ADAMTS17: variants seen among roughly 807,000 people sequenced by gnomAD.
ADAMTS17 encodes the protein ADAM metallopeptidase with thrombospondin type 1 motif 17, also known as A disintegrin and metalloproteinase with thrombospondin motifs 17.
A neutral mutation model predicts 141.5 loss-of-function variants in ADAMTS17; 113 were observed. The ratio of observed to expected loss-of-function variants is 0.80; its 90% CI spans 0.69 to 0.93. The LOEUF (loss-of-function observed/expected upper bound fraction) is 0.93, where lower values mean the gene tolerates loss of function less well. Among genes scored for constraint, ADAMTS17 ranks in the 40% least tolerant of loss-of-function variants. ADAMTS17 has a pLI of 0.00. For synonymous variants in ADAMTS17, 768 were observed against 630.6 expected (o/e 1.22, Z -3.27); for missense variants, 1,659 against 1,517.9 (o/e 1.09, Z -1.54).
intron 4 of ADAMTS17, among the ~76,000 whole-genome samples, chr15:100,262,946 G>T (rs1335060312): frequency 1.3e-5 from 2 of 152,020 alleles, no homozygotes; most frequent in African/African-American, 4.8e-5. Context: ...CTTAAAAATG[G>T]ATTTGCCAAA....
intron 20 of ADAMTS17, among the ~76,000 whole-genome samples, chr15:99,986,643 G>A (rs1422163344): frequency 6.6e-6 from 1 of 152,064 alleles, no homozygotes; most frequent in Non-Finnish European, 1.5e-5. Context: ...TTAAGTCATG[G>A]TTTTCTTTAA....
chr15:100,052,195 C>T (rs2032201493), intron 16 of ADAMTS17, among the ~76,000 whole-genome samples: 1 of 151,678 alleles, frequency 6.6e-6, no homozygotes, highest in Non-Finnish European at 1.5e-5. Context: ...GAACATCTTC[C>T]TTCACTCCCC....
At chr15:100,286,148 A>G (rs2044439634) in intron 3 of ADAMTS17, among the ~76,000 whole-genome samples, 1 of 152,092 alleles carries the variant, frequency 6.6e-6, no homozygotes, top group South Asian at 2.1e-4. Flanking sequence ...CTTTGTCAGC[A>G]AACACTCACC....
chr15:100,098,204 C>A (rs1249529556), intron 14 of ADAMTS17, among the ~76,000 whole-genome samples: 1 of 152,052 alleles, frequency 6.6e-6, no homozygotes, highest in African/African-American at 2.4e-5. Context: ...TGGCAACCAA[C>A]TGCAATGCTT....
chr15:100,339,785 A>G (rs1048993185), intron 2 of ADAMTS17, among the ~76,000 whole-genome samples: 3 of 152,172 alleles, frequency 2.0e-5, no homozygotes, highest in African/African-American at 7.2e-5. Context: ...AAAGTCTATC[A>G]TACCCTAATC....
chr15:100,204,981 T>C (rs902496949), intron 7 of ADAMTS17, among the ~76,000 whole-genome samples: 3 of 152,084 alleles, frequency 2.0e-5, no homozygotes, highest in Admixed American at 6.5e-5. Context: ...ATTCAGTTTG[T>C]TGGTTTGTGT....
chr15:100,099,862 T>G (rs1016711181), intron 14 of ADAMTS17, among the ~76,000 whole-genome samples: 2 of 152,212 alleles, frequency 1.3e-5, no homozygotes, highest in Non-Finnish European at 2.9e-5. Context: ...CAGATCCGTG[T>G]GCTGAGGAGG....
chr15:100,063,816 T>C (rs1596328296), intron 15 of ADAMTS17: 1 of 1,211,516 alleles, frequency 8.3e-7, no homozygotes, highest in African/African-American at 1.6e-5. Flanking sequence ...CCAGAGGCCG[T>C]GCAGCATCCC....
chr15:100,047,053 C>A (rs947149022), intron 18 of ADAMTS17, among the ~76,000 whole-genome samples: 12 of 151,872 alleles, frequency 7.9e-5, no homozygotes, highest in African/African-American at 2.7e-4. Flanking sequence ...GAGAATGAGC[C>A]CCTGAGGGTA....
intron 20 of ADAMTS17, among the ~76,000 whole-genome samples, chr15:99,989,493 G>T (rs2060651812): frequency 6.6e-6 from 1 of 152,236 alleles, no homozygotes; most frequent in South Asian, 2.1e-4. Flanking sequence ...ATGCTACCCT[G>T]CCTGTTACTG....
intron 7 of ADAMTS17, among the ~76,000 whole-genome samples, chr15:100,206,027 G>GC: frequency 6.6e-6 from 1 of 152,190 alleles, no homozygotes; most frequent in Non-Finnish European, 1.5e-5. Context: ...ACAGCTGAGG[G>GC]CCCCTCAGTG....
intron 21 of ADAMTS17, 143 bp from the exon 22 acceptor site, chr15:99,974,705 G>C: frequency 8.8e-7 from 1 of 1,137,278 alleles, no homozygotes; most frequent in African/African-American, 1.5e-5. Context: ...ATTAGGCCAT[G>C]CCTCCTGCCA....
chr15:100,153,680 G>A (rs560248674), intron 9 of ADAMTS17, among the ~76,000 whole-genome samples: 10 of 152,132 alleles, frequency 6.6e-5, no homozygotes, highest in African/African-American at 2.4e-4. Flanking sequence ...TGGGGATTGC[G>A]AGGCTCTGGC....
intron 17 of ADAMTS17, among the ~76,000 whole-genome samples, chr15:100,050,110 T>TG (rs2032024252): frequency 6.6e-6 from 1 of 152,190 alleles, no homozygotes; most frequent in South Asian, 2.1e-4. Flanking sequence ...CACTGCCAGT[T>TG]GCTGCTGCCC....
intron 15 of ADAMTS17, among the ~76,000 whole-genome samples, chr15:100,067,463 T>A (rs960180327): frequency 6.6e-6 from 1 of 152,248 alleles, no homozygotes; most frequent in Non-Finnish European, 1.5e-5. Flanking sequence ...GTTGTCAAAT[T>A]TTTCCAGTCA....
At position 100,057,203 on chromosome 15, in the gene ADAMTS17, G is replaced by T. The variant is rs550263180; in HGVS notation, c.2138-3149C>A. Among the ~76,000 whole-genome samples, 137 of 152,228 alleles carry T rather than the reference G, an allele frequency of 9.0e-4. 1 individual carries two copies. The highest frequency in any genetic ancestry group is 2.9e-3 in the African/African-American group (121 of 41,530). On this transcript the variant is annotated intron_variant, in intron 15 of 21. Coordinates refer to ENST00000268070, the MANE Select transcript of ADAMTS17 (RefSeq NM_139057.4). ...GGTAAAGTTTTTTCCACTTTTCAGA[G>T]GTTTGGCTGGGAAAAGGAGGCAAGA...
chr15:100,273,794 CTTTT>C (rs1219109732), intron 4 of ADAMTS17, among the ~76,000 whole-genome samples: 3 of 152,048 alleles, frequency 2.0e-5, no homozygotes, highest in African/African-American at 7.2e-5. Flanking sequence ...TGAGATTTTT[CTTTT>C]TAAGTGTTTA....
chr15:100,108,770 T>TCCA (rs1310068981), intron 14 of ADAMTS17, among the ~76,000 whole-genome samples: 6 of 152,198 alleles, frequency 3.9e-5, no homozygotes, highest in Non-Finnish European at 8.8e-5. Context: ...GCCTGTTCTT[T>TCCA]CCACCTCCAC....
intron 18 of ADAMTS17, among the ~76,000 whole-genome samples, chr15:100,024,080 C>A (rs2061456489): frequency 6.8e-6 from 1 of 147,616 alleles, no homozygotes; most frequent in Non-Finnish European, 1.5e-5. Flanking sequence ...AAAATCTTTT[C>A]TAAAGGTTGA....
Sources: allele counts gnomAD v4.1 joint callset (sites outside exome capture counted in the v4.1 genomes callset), GRCh38; gene constraint gnomAD v4.1.1; transcripts MANE v1.5; gene names NCBI Gene and HGNC (gene_info 2026-07-23, HGNC 2026-07-21).